The following ANO1 variants were observed in gnomAD, a reference collection of about 807,000 sequenced individuals.
The protein encoded by ANO1 is anoctamin 1, also known as anoctamin-1.
A neutral mutation model predicts 124.0 loss-of-function variants in ANO1; 59 were observed. The observed-to-expected ratio is 0.48, with a 90% confidence interval of 0.39 to 0.59. The LOEUF is 0.59. Among genes scored for constraint, ANO1 ranks in the 20% least tolerant of loss-of-function variants. ANO1 has a pLI of 0.00. For missense variants in ANO1, 1,059 were observed against 1,328.0 expected (o/e 0.80, Z 3.15); for synonymous variants, 529 against 532.0 (o/e 0.99, Z 0.08).
rs2044757602 is a variant in ANO1, at chr11:70,094,363, G to A, written c.441+6279G>A. 2.0e-5 allele frequency among the ~76,000 whole-genome samples: 3 copies of A among 152,228 alleles called. No individual in the cohort carries two copies. In the South Asian group the frequency reaches 6.2e-4, roughly 31 times the overall value. ...TGGATGTGGGCAGGTGTGGGAGGCA[G>A]TCCTGGGGCTGCATTCATTGTCCAC... On this transcript the variant is annotated intron_variant, in intron 2 of 25. Transcript: ENST00000355303.
chr11:70,060,352 T>A (rs1430308587), intron 1 of ANO1, among the ~76,000 whole-genome samples: 1 of 152,104 alleles, frequency 6.6e-6, no homozygotes, highest in Admixed American at 6.5e-5. Flanking sequence ...CTGGTGAAAA[T>A]TGATTGGGTT....
At chr11:70,045,277 T>C (rs181016948) in intron 1 of ANO1, among the ~76,000 whole-genome samples, 33 of 152,342 alleles carry the variant, frequency 2.2e-4, no homozygotes, top group African/African-American at 7.5e-4. Context: ...GACATACACA[T>C]TTTTAAAAAT....
chr11:70,019,332 G>GCACA (rs113715758), intron 1 of ANO1, among the ~76,000 whole-genome samples: 8,035 of 146,904 alleles, frequency 0.055, 328 homozygotes, highest in Admixed American at 0.13. Context: ...ACACACGCAC[G>GCACA]CACACACACA....
chr11:70,149,325 T>C (rs2515285), intron 11 of ANO1, among the ~76,000 whole-genome samples: 151,046 of 152,326 alleles, frequency 0.99, 74,898 homozygotes, highest in East Asian at 1. Flanking sequence ...CAGCCCAGGA[T>C]GTCACCCTCT....
chr11:70,155,344 G>A (rs2047766360), intron 14 of ANO1, among the ~76,000 whole-genome samples: 1 of 152,156 alleles, frequency 6.6e-6, no homozygotes, highest in Non-Finnish European at 1.5e-5. Flanking sequence ...AGCAACAGAG[G>A]CATGGGGGTT....
upstream of ANO1, among the ~76,000 whole-genome samples, chr11:69,985,114 C>G (rs72931771): frequency 0.077 from 11,677 of 152,198 alleles, 752 homozygotes; most frequent in Admixed American, 0.14. Context: ...GGGGCAATCC[C>G]GGCTTCCTGC....
intron 12 of ANO1, among the ~76,000 whole-genome samples, chr11:70,150,754 C>T (rs1017564640): frequency 1.3e-5 from 2 of 152,080 alleles, no homozygotes; most frequent in Admixed American, 6.5e-5. Context: ...CCAGGCTACA[C>T]ATGCTCCCTT....
chr11:70,131,388 C>T (rs981879045), intron 10 of ANO1, among the ~76,000 whole-genome samples: 4 of 152,050 alleles, frequency 2.6e-5, no homozygotes, highest in Non-Finnish European at 2.9e-5. Context: ...AGTGCAGTGA[C>T]GTGATCTGGG....
intron 1 of ANO1, among the ~76,000 whole-genome samples, chr11:70,017,463 TTCCCTCCTTCCC>T (rs1856722500): frequency 2.7e-5 from 4 of 147,368 alleles, no homozygotes; most frequent in African/African-American, 7.4e-5. Context: ...CCTTCCTTCC[TTCCCTCCTTCCC>T]TCCCTCCCTT....
At chr11:70,178,199 C>T (rs536125385) in intron 22 of ANO1, among the ~76,000 whole-genome samples, 4 of 152,238 alleles carry the variant, frequency 2.6e-5, no homozygotes, top group African/African-American at 7.2e-5. Context: ...GGGCCCTCAG[C>T]CCTGACACCC....
chr11:70,060,599 G>A (rs993761865), intron 1 of ANO1, among the ~76,000 whole-genome samples: 1 of 152,098 alleles, frequency 6.6e-6, no homozygotes, highest in African/African-American at 2.4e-5. Context: ...GACAATAAAT[G>A]TGAAAGGTGT....
intron 2 of ANO1, among the ~76,000 whole-genome samples, chr11:70,096,189 T>C (rs1413372346): frequency 6.6e-6 from 1 of 152,208 alleles, no homozygotes; most frequent in Non-Finnish European, 1.5e-5. Context: ...AAAGGTGACC[T>C]TGTCCAGAAA....
Position 70,068,053 on chromosome 11 carries a change from C to T in ANO1, c.59-10489C>T, listed in dbSNP as rs1857777574. Among the ~76,000 whole-genome samples the T allele has an allele frequency of 2.0e-5, 3 of 152,194 alleles. No individual in the cohort carries two copies. The South Asian group carries it at 6.2e-4, about 32-fold the overall frequency. ...GGGGACACGCTCCTGCCAGAAAAAC[C>T]CAGCCCACCTCCTCCCTGGACAGGA... On this transcript the variant is annotated intron_variant, in intron 1 of 27. Transcript: ENST00000531349.
At chr11:70,127,065 C>G (rs2046548114) in intron 10 of ANO1, among the ~76,000 whole-genome samples, 1 of 133,246 alleles carries the variant, frequency 7.5e-6, no homozygotes, top group African/African-American at 2.7e-5. Flanking sequence ...TCGGTGCAGG[C>G]TGGTGCTTGC....
At chr11:70,055,372 ATT>A (rs1565169839) in intron 1 of ANO1, among the ~76,000 whole-genome samples, 2 of 152,178 alleles carry the variant, frequency 1.3e-5, no homozygotes, top group East Asian at 3.9e-4. Flanking sequence ...TATATACATA[ATT>A]TAAAATTATT....
In ANO1 at chr11:70,163,653, A is replaced by G. The variant is rs2048141149; in HGVS notation, c.1950+313A>G. On this transcript the variant is annotated intron_variant, in intron 19 of 25. Transcript: ENST00000355303. ...CTCTTCTGGTTAAGATGAATTAATGAGGGACGGGTGCAGTGGCTCATGCCT... is the reference window on the plus strand; with the variant it reads ...CTCTTCTGGTTAAGATGAATTAATGGGGGACGGGTGCAGTGGCTCATGCCT... 2.9e-5 allele frequency: 17 copies of G among 583,676 alleles called. No individual in the cohort carries two copies. In the South Asian group the frequency reaches 3.7e-4, roughly 13 times the overall value. The allele number at this position is 583,676 out of a possible 1,614,324, so 36.2% of individuals were successfully genotyped here. A position where few individuals can be genotyped will look rare whatever the true frequency, so the allele number is the denominator to read the frequency against.
chr11:70,176,948 AC>A (rs1475570586), intron 22 of ANO1, among the ~76,000 whole-genome samples: 1 of 151,380 alleles, frequency 6.6e-6, no homozygotes, highest in Admixed American at 6.6e-5. Context: ...TCTCTAACAC[AC>A]CCCGCGGATG....
At chr11:70,153,804 C>T (rs962294240) in intron 14 of ANO1, among the ~76,000 whole-genome samples, 15 of 152,100 alleles carry the variant, frequency 9.9e-5, no homozygotes, top group Admixed American at 7.2e-4. Flanking sequence ...CTCTCTCTGT[C>T]GCTCAGGATG....
Position 70,082,555 on chromosome 11 carries a change from G to A in ANO1, c.108+3841G>A, listed in dbSNP as rs982746385. 5.3e-5 allele frequency among the ~76,000 whole-genome samples: 8 copies of A among 152,178 alleles called. No individual in the cohort carries two copies. In the South Asian group the frequency reaches 8.3e-4, roughly 16 times the overall value. ...AGCCTAGGCGACAGAGCAAGAATTC[G>A]TCTCAAAAGAAAAGATGAATAAGAA... is the stretch of plus-strand genomic sequence containing the variant. On this transcript the variant is annotated intron_variant, in intron 1 of 25. Coordinates refer to ENST00000355303, the MANE Select transcript of ANO1 (RefSeq NM_018043.7).
Sources: gnomAD v4.1 joint callset for allele counts (sites outside exome capture counted in the v4.1 genomes callset) on GRCh38, gnomAD v4.1.1 for gene constraint, MANE v1.5 for transcripts, NCBI Gene and HGNC (gene_info 2026-07-23, HGNC 2026-07-21) for gene names.